Variants in GNL1 observed in about 807,000 individuals in gnomAD.
The protein encoded by GNL1 is G protein nucleolar 1.
A neutral mutation model predicts 75.2 loss-of-function variants in GNL1; 21 were observed. The ratio of observed to expected loss-of-function variants is 0.28; its 90% CI spans 0.20 to 0.40. The LOEUF is 0.40. Among genes scored for constraint, GNL1 ranks in the 10% least tolerant of loss-of-function variants. The pLI, the probability that GNL1 is intolerant of heterozygous loss-of-function variation, is 1.00. For missense variants in GNL1, 579 were observed against 775.0 expected (o/e 0.75, Z 3.00); for synonymous variants, 287 against 303.4 (o/e 0.95, Z 0.56).
At chr6:30,551,471 A>G (rs1799774147) in intron 8 of GNL1, among the ~76,000 whole-genome samples, 1 of 152,072 alleles carries the variant, frequency 6.6e-6, no homozygotes, top group African/African-American at 2.4e-5. Context: ...TTTGGTTCCA[A>G]TATCACCTCA....
In GNL1 at chr6:30,555,184, G is replaced by C; in HGVS notation, c.247C>G (p.Leu83Val). ...TCCCTGCTGTCTCTCTCAAAATGCA[G>C]TCGGTATCTAAGGGAACAGGGACCG... ...PRGYDPNRYR[L>V]HFERDSREEV... Residue 83 changes from leucine to valine, a missense_variant, in exon 3 of 12, where the codon CTG becomes GTG. Coordinates refer to ENST00000376621, the MANE Select transcript of GNL1 (RefSeq NM_005275.5). The surrounding 1 kb of genome is among the most constrained non-coding windows in gnomAD (Gnocchi z 4.3). The C allele has an allele frequency of 6.2e-7, 1 of 1,612,976 alleles. No individual in the cohort carries two copies. The highest frequency in any genetic ancestry group is 8.5e-7 in the Non-Finnish European group (1 of 1,180,018).
rs1799399550 is a variant in GNL1 at position 30,545,590 on chromosome 6, A to C, written c.*482T>G. ...GCTGAATTTGAACAATTCCTGTAAA[A>C]ATCTCATTAAGAGACATCAGCTTGG... On this transcript the variant is annotated 3_prime_UTR_variant, in exon 12 of 12. Transcript: ENST00000376621. The C allele has an allele frequency of 5.9e-6, 1 of 168,368 alleles. No individual in the cohort carries two copies. The highest frequency in any genetic ancestry group is 2.4e-5 in the African/African-American group (1 of 41,564). 10.4% of individuals were successfully genotyped at this position (168,368 alleles called of 1,614,324 possible).
intron 6 of GNL1, 80 bp from the exon 7 acceptor site, chr6:30,553,259 G>A: frequency 1.4e-6 from 2 of 1,439,258 alleles, no homozygotes; most frequent in Non-Finnish European, 2.0e-6. Flanking sequence ...CCCAAGACCA[G>A]GTGCCCCCTT....
chr6:30,556,436 C>G lies in GNL1; in HGVS notation c.-233G>C. On this transcript the variant is annotated 5_prime_UTR_variant, in exon 1 of 12. Coordinates refer to ENST00000376621, the MANE Select transcript of GNL1 (RefSeq NM_005275.5). This position sits in a 1 kb window ranked among gnomAD's most constrained non-coding sequence, Gnocchi z 5.7. ...AGGCGAGAGGATGATGCGGGGTGGG[C>G]TACTGGCACGTGAGAGCCAGTGGCA... 1.7e-6 allele frequency: 1 copy of G among 590,182 alleles called. No individual in the cohort carries two copies. Among genetic ancestry groups the G allele is most frequent in the East Asian group, 2.9e-5 (1 of 34,346 alleles). The allele number at this position is 590,182 out of a possible 1,614,324, so 36.6% of individuals were successfully genotyped here.
rs1242419806 is a variant in GNL1, at chr6:30,555,743, C to G, written c.74-23G>C. On this transcript the variant is annotated intron_variant, in intron 1 of 11. Transcript: ENST00000376621. This position sits in a 1 kb window ranked among gnomAD's most constrained non-coding sequence, Gnocchi z 4.3. ...GCCCTGCGGGGAGGGGCCGGTGACG[C>G]CAGTGCTGGCCAGCTCTCAGGGGCC... 6.2e-7 allele frequency: 1 copy of G among 1,610,242 alleles called. No individual in the cohort carries two copies. Among genetic ancestry groups the G allele is most frequent in the East Asian group, 2.2e-5 (1 of 44,850 alleles).
At position 30,548,693 on chromosome 6, in the gene GNL1, G is replaced by C. The variant is rs566196499; in HGVS notation, c.1100-1163C>G. Among the ~76,000 whole-genome samples the C allele has an allele frequency of 3.4e-4, 51 of 152,180 alleles. No homozygotes were observed. The highest frequency in any genetic ancestry group is 1.2e-3 in the African/African-American group (48 of 41,512). On this transcript the variant is annotated intron_variant, in intron 8 of 11. Coordinates refer to ENST00000376621, the MANE Select transcript of GNL1 (RefSeq NM_005275.5). This position sits in a 1 kb window ranked among gnomAD's most constrained non-coding sequence, Gnocchi z 4.2. Reference sequence around the variant, plus strand: ...CATTCAGCACTGCTCCTGGGCAGCTGACTGTGGCTAAGAAAAGATGTACCA... The same window carrying C: ...CATTCAGCACTGCTCCTGGGCAGCTCACTGTGGCTAAGAAAAGATGTACCA...
Position 30,555,515 on chromosome 6 carries a change from A to G in GNL1, c.239+40T>C. Reference sequence around the variant, plus strand: ...TCCCCCAAAGCTCTGACTTCCGGGTAGGCGGGAAAGCCGGGACCAGCGCCC... The same window carrying G: ...TCCCCCAAAGCTCTGACTTCCGGGTGGGCGGGAAAGCCGGGACCAGCGCCC... On this transcript the variant is annotated intron_variant, in intron 2 of 11. Transcript: ENST00000376621. This position sits in a 1 kb window ranked among gnomAD's most constrained non-coding sequence, Gnocchi z 4.3. The G allele has an allele frequency of 1.3e-6, 2 of 1,576,802 alleles. No homozygotes were observed. The highest frequency in any genetic ancestry group is 1.7e-6 in the Non-Finnish European group (2 of 1,153,992).
chr6:30,553,984 CAT>C (rs1193004352), intron 5 of GNL1, among the ~76,000 whole-genome samples: 5 of 152,222 alleles, frequency 3.3e-5, no homozygotes, highest in African/African-American at 9.7e-5. Flanking sequence ...TGACTGTGAA[CAT>C]GTGTGCAAAC....
chr6:30,548,670 T>G lies in GNL1; in HGVS notation c.1100-1140A>C, dbSNP rs1322771464. On this transcript the variant is annotated intron_variant, in intron 8 of 11. Transcript: ENST00000376621. The surrounding 1 kb of genome is among the most constrained non-coding windows in gnomAD (Gnocchi z 4.2). ...ACCCTGTAAAATCCAGCTCTGCCCATTCAGCACTGCTCCTGGGCAGCTGAC... is the reference window on the plus strand; with the variant it reads ...ACCCTGTAAAATCCAGCTCTGCCCAGTCAGCACTGCTCCTGGGCAGCTGAC... 6.6e-6 allele frequency among the ~76,000 whole-genome samples: 1 copy of G among 152,138 alleles called. No homozygotes were observed. Among genetic ancestry groups the G allele is most frequent in the Non-Finnish European group, 1.5e-5 (1 of 68,022 alleles).
At chr6:30,553,285 T>C in intron 6 of GNL1, 65 bp downstream of exon 6, 1 of 1,478,864 alleles carries the variant, frequency 6.8e-7, no homozygotes, top group East Asian at 2.3e-5. Flanking sequence ...TAAGCCTCTC[T>C]GTTCTCCCCT....
Position 30,546,400 on chromosome 6 carries a change from G to T in GNL1, c.1583-87C>A. The T allele has an allele frequency of 1.3e-6, 1 of 793,030 alleles. No homozygotes were observed. The highest frequency in any genetic ancestry group is 2.1e-6 in the Non-Finnish European group (1 of 484,430). The allele number at this position is 793,030 out of a possible 1,614,324, so 49.1% of individuals were successfully genotyped here. A position where few individuals can be genotyped will look rare whatever the true frequency, so the allele number is the denominator to read the frequency against. On this transcript the variant is annotated intron_variant, in intron 11 of 11. Transcript: ENST00000376621. This position sits in a 1 kb window ranked among gnomAD's most constrained non-coding sequence, Gnocchi z 5.1. ...AAGATGGGGAAGAGGCAAAGACTAG[G>T]AATAACAATAATCTTTAGAGCTGCT...
At position 30,556,138 on chromosome 6, in the gene GNL1, C is replaced by A. The variant is rs770793208; in HGVS notation, c.66G>T (p.Arg22=). 3 of 1,603,294 alleles carry A rather than the reference C, an allele frequency of 1.9e-6. No homozygotes were observed. The change falls in exon 1 of 12, where the codon CGG becomes CGT. Residue 22 remains arginine, a synonymous_variant. Transcript: ENST00000376621. This position sits in a 1 kb window ranked among gnomAD's most constrained non-coding sequence, Gnocchi z 5.7. Reference sequence around the variant, plus strand: ...TCCCGCTCCCGCACTGACCTCTCTTCCGCTCCCGTTTGTCCTGCAACTGCT... The same window carrying A: ...TCCCGCTCCCGCACTGACCTCTCTTACGCTCCCGTTTGTCCTGCAACTGCT... ...KKKQLQDKRE[R]KRGLQDGLRS... is the part of the protein sequence containing the mutation.
Position 30,552,084 on chromosome 6 carries a change from G to T in GNL1, c.1099+383C>A. ...TCACTATGTTGCCCAGACTAGTCTT[G>T]AGCTCCTGGTCTCAAGCAATCCTCC... is the stretch of plus-strand genomic sequence containing the variant. On this transcript the variant is annotated intron_variant, in intron 8 of 11. Coordinates refer to ENST00000376621, the MANE Select transcript of GNL1 (RefSeq NM_005275.5). The surrounding 1 kb of genome is among the most constrained non-coding windows in gnomAD (Gnocchi z 4.5). 4.8e-6 allele frequency: 1 copy of T among 209,296 alleles called. No homozygotes were observed. Among genetic ancestry groups the T allele is most frequent in the Non-Finnish European group, 9.5e-6 (1 of 105,300 alleles). The allele number at this position is 209,296 out of a possible 1,614,324, so 13.0% of individuals were successfully genotyped here. A position where few individuals can be genotyped will look rare whatever the true frequency, so the allele number is the denominator to read the frequency against.
At position 30,555,409 on chromosome 6, in the gene GNL1, T is replaced by C. The variant is rs1239801006; in HGVS notation, c.239+146A>G. 8.2e-6 allele frequency: 8 copies of C among 976,444 alleles called. No individual in the cohort carries two copies. Among genetic ancestry groups the C allele is most frequent in the Admixed American group, 2.2e-5 (1 of 45,738 alleles). The allele number at this position is 976,444 out of a possible 1,614,324, so 60.5% of individuals were successfully genotyped here. On this transcript the variant is annotated intron_variant, in intron 2 of 11. Transcript: ENST00000376621. The surrounding 1 kb of genome is among the most constrained non-coding windows in gnomAD (Gnocchi z 4.3). ...CCAGCCCCTCTGGAAAGGAAGACTG[T>C]GGCCCGCTGTGGGGAGCCGAGTGGC... is the stretch of plus-strand genomic sequence containing the variant.
In GNL1 at chr6:30,546,033, C is replaced by T; in HGVS notation, c.*39G>A. ...AGATACCCCCAGGTCAGTCCAAAAGCAAAGATACTGGGAGGGAAGATGGCG... is the reference window on the plus strand; with the variant it reads ...AGATACCCCCAGGTCAGTCCAAAAGTAAAGATACTGGGAGGGAAGATGGCG... On this transcript the variant is annotated 3_prime_UTR_variant, in exon 12 of 12. Transcript: ENST00000376621. This position sits in a 1 kb window ranked among gnomAD's most constrained non-coding sequence, Gnocchi z 5.1. 1 of 1,497,730 alleles carries T rather than the reference C, an allele frequency of 6.7e-7. No homozygotes were observed. Among genetic ancestry groups the T allele is most frequent in the Non-Finnish European group, 9.2e-7 (1 of 1,087,082 alleles). 92.8% of individuals were successfully genotyped at this position (1,497,730 alleles called of 1,614,324 possible). A position where few individuals can be genotyped will look rare whatever the true frequency, so the allele number is the denominator to read the frequency against.
chr6:30,555,982 G>A lies in GNL1; in HGVS notation c.73+149C>T, dbSNP rs1800148448. 4.0e-6 allele frequency: 4 copies of A among 989,362 alleles called. No individual in the cohort carries two copies. Among genetic ancestry groups the A allele is most frequent in the African/African-American group, 1.6e-5 (1 of 63,182 alleles). The allele number at this position is 989,362 out of a possible 1,614,324, so 61.3% of individuals were successfully genotyped here. The stretch of plus-strand genomic sequence containing the variant: ...TCCCCACCCCTTCCAGATGTAGGGG[G>A]GGTGGGGGATCCCCTCCGCGATAGG... On this transcript the variant is annotated intron_variant, in intron 1 of 11. Coordinates refer to ENST00000376621, the MANE Select transcript of GNL1 (RefSeq NM_005275.5). The surrounding 1 kb of genome is among the most constrained non-coding windows in gnomAD (Gnocchi z 4.3).
At position 30,555,308 on chromosome 6, in the gene GNL1, T is replaced by A; in HGVS notation, c.240-117A>T. On this transcript the variant is annotated intron_variant, in intron 2 of 11. Coordinates refer to ENST00000376621, the MANE Select transcript of GNL1 (RefSeq NM_005275.5). This position sits in a 1 kb window ranked among gnomAD's most constrained non-coding sequence, Gnocchi z 4.3. ...TCTCTCCAGAGTCGTTCAAGTCTCC[T>A]CTCTCAAGTCAGACTTCCCCCAAGT... 8.1e-7 allele frequency: 1 copy of A among 1,240,826 alleles called. No individual in the cohort carries two copies. The highest frequency in any genetic ancestry group is 1.1e-6 in the Non-Finnish European group (1 of 873,922). 76.9% of individuals were successfully genotyped at this position (1,240,826 alleles called of 1,614,324 possible).
rs1799410122 is a variant in GNL1, at chr6:30,545,785, C to T, written c.*287G>A. Reference sequence around the variant, plus strand: ...TGTAGATAACGGGATTCCTAAGGTGCAGAGTGGGAGAATGGGTAGAGGAAG... The same window carrying T: ...TGTAGATAACGGGATTCCTAAGGTGTAGAGTGGGAGAATGGGTAGAGGAAG... On this transcript the variant is annotated 3_prime_UTR_variant, in exon 12 of 12. Transcript: ENST00000376621. 4.6e-6 allele frequency: 2 copies of T among 438,680 alleles called. No individual in the cohort carries two copies. Among genetic ancestry groups the T allele is most frequent in the Non-Finnish European group, 8.0e-6 (2 of 249,342 alleles). The allele number at this position is 438,680 out of a possible 1,614,324, so 27.2% of individuals were successfully genotyped here.
Position 30,546,228 on chromosome 6 carries a change from TTCCTCC to T in GNL1, c.1662_1667del (p.Glu558_Glu559del), listed in dbSNP as rs752894283. 7.7e-6 allele frequency: 12 copies of T among 1,562,424 alleles called. No homozygotes were observed. Among genetic ancestry groups the T allele is most frequent in the African/African-American group, 1.4e-5 (1 of 73,460 alleles). ...CACAGGAGCTGCTCAGCTCTTCCTC[TTCCTCC>T]TCCTCCTCGTCACCTGCTGGCCCCA... is the stretch of plus-strand genomic sequence containing the variant. On this transcript the variant is annotated inframe_deletion, in exon 12 of 12. Coordinates refer to ENST00000376621, the MANE Select transcript of GNL1 (RefSeq NM_005275.5). The surrounding 1 kb of genome is among the most constrained non-coding windows in gnomAD (Gnocchi z 5.1).
Sources: gnomAD v4.1 joint callset for allele counts (sites outside exome capture counted in the v4.1 genomes callset) on GRCh38, gnomAD v4.1.1 for gene constraint, Gnocchi (gnomAD v3.1) non-coding constraint, MANE v1.5 for transcripts, NCBI Gene and HGNC (gene_info 2026-07-23, HGNC 2026-07-21) for gene names.